The following CDH4 variants were observed in gnomAD, a reference collection of about 807,000 sequenced individuals.
The protein encoded by CDH4 is cadherin 4, also known as cadherin-4.
Under a neutral mutation model 86.0 loss-of-function variants are expected in CDH4, and 33 were observed. That is an observed-to-expected ratio of 0.38 (90% CI 0.29 to 0.51). The LOEUF (loss-of-function observed/expected upper bound fraction) is 0.51, where lower values mean the gene tolerates loss of function less well. Ranked by LOEUF, CDH4 falls within the 20% of genes least tolerant of loss-of-function variation. The pLI, the probability that CDH4 is intolerant of heterozygous loss-of-function variation, is 0.86. For synonymous variants in CDH4, 555 were observed against 549.4 expected (o/e 1.01, Z -0.14); for missense variants, 1,114 against 1,307.4 (o/e 0.85, Z 2.28).
intron 4 of CDH4, among the ~76,000 whole-genome samples, chr20:61,793,149 G>C (rs540745392): frequency 6.5e-4 from 99 of 151,872 alleles, no homozygotes; most frequent in Admixed American, 2.7e-3. Flanking sequence ...TTTTTTAGTA[G>C]AGACCGGTTA....
At chr20:61,674,311 T>G (rs751516567) in intron 2 of CDH4, among the ~76,000 whole-genome samples, 5 of 151,566 alleles carry the variant, frequency 3.3e-5, no homozygotes, top group Non-Finnish European at 5.9e-5. Flanking sequence ...GGAGCAGGAG[T>G]CACAGCATGT....
At chr20:61,936,320 A>C (rs1164879101) in intron 15 of CDH4, among the ~76,000 whole-genome samples, 15 of 27,168 alleles carry the variant, frequency 5.5e-4, no homozygotes, top group South Asian at 2.4e-3. Flanking sequence ...ACAGCCCCCC[A>C]CCCTCTCCCA....
intron 2 of CDH4, among the ~76,000 whole-genome samples, chr20:61,335,145 C>A (rs999595714): frequency 7.2e-5 from 11 of 152,170 alleles, no homozygotes; most frequent in Non-Finnish European, 1.0e-4. Context: ...CGGCCATTGA[C>A]AAATGTCAAT....
chr20:61,477,894 G>A (rs2145575732), intron 2 of CDH4, among the ~76,000 whole-genome samples: 1 of 152,298 alleles, frequency 6.6e-6, no homozygotes. Context: ...TTCTGTAGAA[G>A]GTTTCATGAG....
intron 2 of CDH4, among the ~76,000 whole-genome samples, chr20:61,288,906 C>T (rs1426118855): frequency 6.6e-6 from 1 of 152,162 alleles, no homozygotes; most frequent in Non-Finnish European, 1.5e-5. Flanking sequence ...AAGTCATAGG[C>T]TTTCGCTCTT....
intron 2 of CDH4, among the ~76,000 whole-genome samples, chr20:61,657,882 C>A (rs532656879): frequency 6.6e-6 from 1 of 152,120 alleles, no homozygotes; most frequent in Non-Finnish European, 1.5e-5. Flanking sequence ...TGCTACGTCA[C>A]GGTGCCGGGC....
chr20:61,728,266 G>A (rs780492476), intron 2 of CDH4, among the ~76,000 whole-genome samples: 14 of 152,238 alleles, frequency 9.2e-5, no homozygotes, highest in Non-Finnish European at 1.9e-4. Flanking sequence ...AGACATCTGT[G>A]TGTGTCTTGC....
chr20:61,401,468 T>C (rs948272343), intron 2 of CDH4, among the ~76,000 whole-genome samples: 2 of 152,206 alleles, frequency 1.3e-5, no homozygotes, highest in Non-Finnish European at 2.9e-5. Context: ...TTGTGTGGCA[T>C]CTTTTTTGTT....
intron 2 of CDH4, among the ~76,000 whole-genome samples, chr20:61,304,467 C>A (rs966021850): frequency 2.0e-5 from 3 of 151,992 alleles, no homozygotes; most frequent in Non-Finnish European, 4.4e-5. Flanking sequence ...GAGGACAGGA[C>A]GCCTTTGGTC....
chr20:61,341,078 A>G (rs1056078207), intron 2 of CDH4, among the ~76,000 whole-genome samples: 8 of 152,150 alleles, frequency 5.3e-5, no homozygotes, highest in Admixed American at 6.5e-5. Context: ...TTCCCTGGAG[A>G]GACAGTCACG....
intron 9 of CDH4, among the ~76,000 whole-genome samples, chr20:61,921,086 A>G (rs1386581632): frequency 2.1e-5 from 3 of 144,940 alleles, no homozygotes; most frequent in Admixed American, 6.9e-5. Context: ...GCATGGAAGC[A>G]TTGTGTCACA....
intron 2 of CDH4, among the ~76,000 whole-genome samples, chr20:61,329,514 A>G (rs62198853): frequency 0.43 from 59,671 of 140,372 alleles, 13,529 homozygotes; most frequent in Middle Eastern, 0.52. Context: ...GTATTTTATA[A>G]TAAGAGAGGG....
At chr20:61,778,155 C>T (rs527703457) in intron 4 of CDH4, among the ~76,000 whole-genome samples, 2 of 152,290 alleles carry the variant, frequency 1.3e-5, no homozygotes, top group South Asian at 4.1e-4. Context: ...GCTTTCCTGT[C>T]CCCATTTCCA....
chr20:61,673,016 A>G lies in CDH4; in HGVS notation c.170-70547A>G, dbSNP rs767983820. ...AAGAAAGAGACGCAGAGAGAAAGACAAAGATAGCATCAGAGAGAGAGATTG... is the reference window on the plus strand; with the variant it reads ...AAGAAAGAGACGCAGAGAGAAAGACGAAGATAGCATCAGAGAGAGAGATTG... On this transcript the variant is annotated intron_variant, in intron 2 of 15. Coordinates refer to ENST00000614565, the MANE Select transcript of CDH4 (RefSeq NM_001794.5). Among the ~76,000 whole-genome samples, 27 of 152,046 alleles carry G rather than the reference A, an allele frequency of 1.8e-4. 1 individual carries two copies. The highest frequency in any genetic ancestry group is 5.2e-4 in the Admixed American group (8 of 15,284).
chr20:61,661,470 C>CT (rs11472090), intron 2 of CDH4, among the ~76,000 whole-genome samples: 41,626 of 115,010 alleles, frequency 0.36, 8,072 homozygotes, highest in Middle Eastern at 0.43. Context: ...TGCTTTCTGA[C>CT]TTTTTTTTTT....
At chr20:61,425,589 TC>T (rs2145508600) in intron 2 of CDH4, among the ~76,000 whole-genome samples, 1 of 152,256 alleles carries the variant, frequency 6.6e-6, no homozygotes, top group African/African-American at 2.4e-5. Flanking sequence ...ACAGAGCACA[TC>T]CCGCAGGAGG....
intron 2 of CDH4, among the ~76,000 whole-genome samples, chr20:61,428,156 C>T (rs1421748127): frequency 6.6e-6 from 1 of 152,174 alleles, no homozygotes; most frequent in Non-Finnish European, 1.5e-5. Context: ...GGATTCTTAA[C>T]TTGGGACGGT....
chr20:61,683,106 G>T (rs2087535208), intron 2 of CDH4, among the ~76,000 whole-genome samples: 1 of 152,086 alleles, frequency 6.6e-6, no homozygotes, highest in African/African-American at 2.4e-5. Context: ...GCTGCTTATG[G>T]CTTTGATTCA....
At chr20:61,921,594 A>G (rs1286313048) in intron 9 of CDH4, among the ~76,000 whole-genome samples, 1 of 152,206 alleles carries the variant, frequency 6.6e-6, no homozygotes, top group African/African-American at 2.4e-5. Flanking sequence ...TCTACTAAAA[A>G]TATAAAAATT....
Sources: allele counts gnomAD v4.1 joint callset (sites outside exome capture counted in the v4.1 genomes callset), GRCh38; gene constraint gnomAD v4.1.1; transcripts MANE v1.5; gene names NCBI Gene and HGNC (gene_info 2026-07-23, HGNC 2026-07-21).